The following VANGL1 variants were observed in gnomAD, a reference collection of about 807,000 sequenced individuals.
The protein encoded by VANGL1 is vang-like protein 1.
A neutral mutation model predicts 48.4 loss-of-function variants in VANGL1; 18 were observed. The ratio of observed to expected loss-of-function variants is 0.37; its 90% CI spans 0.26 to 0.55. VANGL1 has a LOEUF of 0.55. Ranked by LOEUF, VANGL1 falls within the 20% of genes least tolerant of loss-of-function variation. VANGL1 has a pLI of 0.81. For missense variants in VANGL1, 667 were observed against 675.8 expected (o/e 0.99, Z 0.14); for synonymous variants, 257 against 261.8 (o/e 0.98, Z 0.18).
At chr1:115,679,774 T>G (rs1404237139) in intron 4 of VANGL1, among the ~76,000 whole-genome samples, 1 of 152,198 alleles carries the variant, frequency 6.6e-6, no homozygotes, top group Admixed American at 6.5e-5. Flanking sequence ...ATTTTTAAAT[T>G]TAGATCAGGG....
At chr1:115,675,636 C>G (rs1373903798) in intron 4 of VANGL1, among the ~76,000 whole-genome samples, 1 of 152,060 alleles carries the variant, frequency 6.6e-6, no homozygotes, top group Non-Finnish European at 1.5e-5. Flanking sequence ...CCCATCTCCA[C>G]TAAAAATCAG....
chr1:115,677,461 A>T (rs1653211377), intron 4 of VANGL1, among the ~76,000 whole-genome samples: 1 of 152,144 alleles, frequency 6.6e-6, no homozygotes, highest in Non-Finnish European at 1.5e-5. Context: ...ATTCCCTTAG[A>T]CCTTTGTGTA....
At chr1:115,680,026 TGAGAGA>T (rs146370842) in intron 4 of VANGL1, among the ~76,000 whole-genome samples, 1,796 of 97,512 alleles carry the variant, frequency 0.018, 40 homozygotes, top group African/African-American at 0.059. Flanking sequence ...TGTGTGTATG[TGAGAGA>T]GAGAGAGAGA....
At chr1:115,649,438 C>A (rs12034462) in intron 1 of VANGL1, among the ~76,000 whole-genome samples, 17,598 of 152,178 alleles carry the variant, frequency 0.12, 1,289 homozygotes, top group South Asian at 0.33. Context: ...TTCTGTCTGA[C>A]TGCAGGTGAG....
chr1:115,652,945 G>C (rs1312118223), intron 2 of VANGL1, among the ~76,000 whole-genome samples: 8 of 152,100 alleles, frequency 5.3e-5, no homozygotes, highest in Admixed American at 5.2e-4. Context: ...GTAATTTTTA[G>C]AAATGAATGG....
Position 115,685,408 on chromosome 1 carries a change from C to G in VANGL1, c.1195C>G (p.Pro399Ala), listed in dbSNP as rs1251974708. 1.9e-6 allele frequency: 3 copies of G among 1,614,044 alleles called. No individual in the cohort carries two copies. The South Asian group carries it at 3.3e-5, about 18-fold the overall frequency. Residue 399 changes from proline to alanine, a missense_variant, in exon 7 of 8, where the codon CCC (proline) becomes GCC (alanine). By Grantham distance (27) the Pro-to-Ala change is conservative (BLOSUM62 -1). Transcript: ENST00000355485. Reference protein sequence around the residue: ...DPREAAQAIFPSMARALQKYL... With the variant: ...DPREAAQAIFASMARALQKYL... ...TAGGGAGGCCGCCCAGGCCATTTTCCCCTCCATGGCCAGGGCTCTCCAGAA... is the reference window on the plus strand; with the variant it reads ...TAGGGAGGCCGCCCAGGCCATTTTCGCCTCCATGGCCAGGGCTCTCCAGAA...
Position 115,680,764 on chromosome 1 carries a change from T to C in VANGL1, c.813-1600T>C, listed in dbSNP as rs111895886. Among the ~76,000 whole-genome samples the C allele has an allele frequency of 1.6e-4, 10 of 61,836 alleles. 2 individuals carry two copies. The highest frequency in any genetic ancestry group is 5.9e-4 in the African/African-American group (10 of 17,008). 40.6% of individuals were successfully genotyped at this position (61,836 alleles called of 152,430 possible). A position where few individuals can be genotyped will look rare whatever the true frequency, so the allele number is the denominator to read the frequency against. ...GGTAGACAGAATTTCCAGTGGATAG[T>C]TTAGGAGCTCCCTTGTCTTGGTGTG... is the stretch of plus-strand genomic sequence containing the variant. On this transcript the variant is annotated intron_variant, in intron 4 of 7. Coordinates refer to ENST00000355485, the MANE Select transcript of VANGL1 (RefSeq NM_138959.3).
intron 5 of VANGL1, 110 bp from the exon 6 acceptor site, chr1:115,683,834 T>C (rs944003074): frequency 9.4e-6 from 13 of 1,378,144 alleles, no homozygotes; most frequent in Admixed American, 1.7e-5. Context: ...TGTGTGTGTG[T>C]GTTCCATAGG....
At chr1:115,677,813 G>A (rs1005354810) in intron 4 of VANGL1, among the ~76,000 whole-genome samples, 2 of 152,148 alleles carry the variant, frequency 1.3e-5, no homozygotes, top group Non-Finnish European at 2.9e-5. Context: ...TCAGGCTACT[G>A]CCTTTTCTCT....
At chr1:115,654,872 C>T (rs186040527) in intron 2 of VANGL1, among the ~76,000 whole-genome samples, 11 of 152,224 alleles carry the variant, frequency 7.2e-5, no homozygotes, top group African/African-American at 1.4e-4. Context: ...CCCCATTTTA[C>T]GGGTGATGAA....
chr1:115,681,231 A>G (rs754739792), intron 4 of VANGL1, among the ~76,000 whole-genome samples: 2 of 152,186 alleles, frequency 1.3e-5, no homozygotes, highest in Non-Finnish European at 2.9e-5. Context: ...AGTGTTCTGC[A>G]CCATAGACCA....
intron 2 of VANGL1, 61 bp downstream of exon 2, chr1:115,651,545 T>A: frequency 6.9e-7 from 1 of 1,457,534 alleles, no homozygotes; most frequent in Non-Finnish European, 9.6e-7. Flanking sequence ...TTGGTGGGGT[T>A]CTCTACACTC....
At chr1:115,682,526 G>A (rs761519037) in intron 5 of VANGL1, 29 bp downstream of exon 5, 3 of 1,614,022 alleles carry the variant, frequency 1.9e-6, no homozygotes, top group East Asian at 4.5e-5. Context: ...TGTCCGTGGT[G>A]CTCACAGGGG....
intron 1 of VANGL1, among the ~76,000 whole-genome samples, chr1:115,642,306 C>T (rs1235352492): frequency 6.6e-6 from 1 of 152,004 alleles, no homozygotes; most frequent in African/African-American, 2.4e-5. Flanking sequence ...CTCCACTCTT[C>T]TCCCCATGCG....
intron 4 of VANGL1, among the ~76,000 whole-genome samples, chr1:115,666,278 G>A (rs192045790): frequency 1.3e-5 from 2 of 152,264 alleles, no homozygotes; most frequent in Non-Finnish European, 2.9e-5. Flanking sequence ...GTCATGCAGG[G>A]TGGTGGGACC....
At chr1:115,674,469 A>G (rs972863005) in intron 4 of VANGL1, among the ~76,000 whole-genome samples, 3 of 152,210 alleles carry the variant, frequency 2.0e-5, no homozygotes, top group Non-Finnish European at 4.4e-5. Context: ...TTCTGAATGT[A>G]GCATCCTTAG....
chr1:115,668,914 T>A (rs2101011584), intron 4 of VANGL1, among the ~76,000 whole-genome samples: 1 of 152,262 alleles, frequency 6.6e-6, no homozygotes, highest in East Asian at 1.9e-4. Context: ...ATTCTCTTGG[T>A]GAAAGCAAGC....
chr1:115,697,021 T>C lies in VANGL1; in HGVS notation c.*5642T>C, dbSNP rs1256173950. The C allele has an allele frequency of 1.3e-5, 2 of 152,258 alleles. No individual in the cohort carries two copies. Among genetic ancestry groups the C allele is most frequent in the Non-Finnish European group, 2.9e-5 (2 of 68,034 alleles). 9.4% of individuals were successfully genotyped at this position (152,258 alleles called of 1,614,324 possible). A position where few individuals can be genotyped will look rare whatever the true frequency, so the allele number is the denominator to read the frequency against. On this transcript the variant is annotated 3_prime_UTR_variant, in exon 8 of 8. Transcript: ENST00000355485. ...TTGGTTTTGTATGTGCTTATCTTTATCTGAGCTTTCACTTGTAGACATGGC... is the reference window on the plus strand; with the variant it reads ...TTGGTTTTGTATGTGCTTATCTTTACCTGAGCTTTCACTTGTAGACATGGC...
intron 4 of VANGL1, among the ~76,000 whole-genome samples, chr1:115,681,504 T>TTG (rs201162897): frequency 0.42 from 35,076 of 83,702 alleles, 5,270 homozygotes; most frequent in South Asian, 0.51. Context: ...TTTTTTGTTG[T>TTG]TTTTTTTGTT....
Sources: gnomAD v4.1 joint callset for allele counts (sites outside exome capture counted in the v4.1 genomes callset) on GRCh38, gnomAD v4.1.1 for gene constraint, MANE v1.5 for transcripts, NCBI Gene and HGNC (gene_info 2026-07-23, HGNC 2026-07-21) for gene names.